SYK: variants seen among roughly 807,000 people sequenced by gnomAD.
The protein encoded by SYK is spleen associated tyrosine kinase.
A neutral mutation model predicts 77.8 loss-of-function variants in SYK; 16 were observed. The ratio of observed to expected loss-of-function variants is 0.21; its 90% CI spans 0.14 to 0.31. The LOEUF (loss-of-function observed/expected upper bound fraction) is 0.31. Among genes scored for constraint, SYK ranks in the 10% least tolerant of loss-of-function variants. SYK has a pLI of 1.00. For missense variants in SYK, 529 were observed against 814.4 expected (o/e 0.65, Z 4.26); for synonymous variants, 312 against 308.7 (o/e 1.01, Z -0.11).
chr9:90,887,914 T>G (rs372443433), intron 12 of SYK, 25 bp downstream of exon 12: 1 of 1,561,002 alleles, frequency 6.4e-7, no homozygotes, highest in Non-Finnish European at 8.7e-7. Context: ...CTTCATTTTC[T>G]CACTGTGGGG....
chr9:90,827,687 C>T (rs982140571), intron 1 of SYK: 12 of 152,224 alleles, frequency 7.9e-5, no homozygotes, highest in African/African-American at 2.7e-4. Context: ...CCTGCATCTG[C>T]GTTTCCTCTC....
At chr9:90,827,850 A>G (rs1043965112) in intron 1 of SYK, among the ~76,000 whole-genome samples, 2 of 152,234 alleles carry the variant, frequency 1.3e-5, no homozygotes, top group African/African-American at 4.8e-5. Flanking sequence ...AGCATTGAGT[A>G]TATTTATGTC....
intron 7 of SYK, among the ~76,000 whole-genome samples, chr9:90,868,388 T>C (rs184985379): frequency 6.6e-6 from 1 of 152,038 alleles, no homozygotes; most frequent in Admixed American, 6.5e-5. Flanking sequence ...CACCTAAAAA[T>C]AAAGAAGTAT....
rs200437396 is a variant in SYK, at chr9:90,897,425, A to G, written c.*1825A>G. 5 of 232,196 alleles carry G rather than the reference A, an allele frequency of 2.2e-5. No individual in the cohort carries two copies. The highest frequency in any genetic ancestry group is 3.4e-5 in the Non-Finnish European group (4 of 117,472). The allele number at this position is 232,196 out of a possible 1,614,324, so 14.4% of individuals were successfully genotyped here. A position where few individuals can be genotyped will look rare whatever the true frequency, so the allele number is the denominator to read the frequency against. On this transcript the variant is annotated 3_prime_UTR_variant, in exon 14 of 14. Transcript: ENST00000375754. ...CAAAATATCTGTCAGCCAGGCCACA[A>G]ACAGGTGTAAAATTATGAAAGGAGT...
intron 1 of SYK, among the ~76,000 whole-genome samples, chr9:90,820,182 T>C (rs1825457774): frequency 6.6e-6 from 1 of 152,194 alleles, no homozygotes; most frequent in African/African-American, 2.4e-5. Context: ...AGGTTGGCAT[T>C]GAGTGTCTGT....
chr9:90,891,484 G>A (rs1828790733), intron 13 of SYK, among the ~76,000 whole-genome samples: 1 of 152,134 alleles, frequency 6.6e-6, no homozygotes, highest in Non-Finnish European at 1.5e-5. Context: ...CCTGGCTCCA[G>A]GGATCCCTTT....
At position 90,819,710 on chromosome 9, in the gene SYK, C is replaced by A. The variant is rs550469107; in HGVS notation, c.-42+17817C>A. Among the ~76,000 whole-genome samples the A allele has an allele frequency of 2.0e-5, 3 of 152,146 alleles. No individual in the cohort carries two copies. The East Asian group carries it at 5.8e-4, about 29-fold the overall frequency. On this transcript the variant is annotated intron_variant, in intron 1 of 13. Transcript: ENST00000375754. The stretch of plus-strand genomic sequence containing the variant: ...ATTCAAGTTGAGATTTGGGTGGGGA[C>A]ACAGCCAAATCATATCACCCACCCC...
At chr9:90,886,358 T>G (rs1828576613) in intron 11 of SYK, among the ~76,000 whole-genome samples, 1 of 152,210 alleles carries the variant, frequency 6.6e-6, no homozygotes, top group Non-Finnish European at 1.5e-5. Context: ...ATACACTGTT[T>G]GTGGGAATGT....
chr9:90,858,281 T>C (rs1430105515), intron 3 of SYK, among the ~76,000 whole-genome samples: 1 of 152,178 alleles, frequency 6.6e-6, no homozygotes, highest in Admixed American at 6.5e-5. Context: ...CCTGGGAAAG[T>C]AGACATGCCG....
intron 6 of SYK, among the ~76,000 whole-genome samples, chr9:90,866,141 T>C (rs901695182): frequency 6.6e-6 from 1 of 152,136 alleles, no homozygotes; most frequent in African/African-American, 2.4e-5. Flanking sequence ...CCTCGTGATC[T>C]GCCCGCCTCG....
intron 11 of SYK, among the ~76,000 whole-genome samples, chr9:90,879,359 G>A (rs1221960243): frequency 6.6e-6 from 1 of 152,210 alleles, no homozygotes; most frequent in Non-Finnish European, 1.5e-5. Context: ...TTACTGCACT[G>A]CATTTCTCAA....
intron 1 of SYK, among the ~76,000 whole-genome samples, chr9:90,815,771 C>T (rs10118039): frequency 3.8e-4 from 58 of 152,370 alleles, no homozygotes; most frequent in African/African-American, 1.3e-3. Flanking sequence ...GGGGAATGTG[C>T]TCGGCTCTGT....
intron 3 of SYK, among the ~76,000 whole-genome samples, chr9:90,847,726 A>G (rs78243337): frequency 6.6e-6 from 1 of 152,356 alleles, no homozygotes; most frequent in East Asian, 1.9e-4. Context: ...AGACTAAGGG[A>G]AACTTTCCCC....
intron 3 of SYK, among the ~76,000 whole-genome samples, chr9:90,855,857 T>C (rs1827020590): frequency 6.6e-6 from 1 of 152,224 alleles, no homozygotes; most frequent in Non-Finnish European, 1.5e-5. Flanking sequence ...CAAATGATGC[T>C]GATGCTGCTG....
At chr9:90,891,097 T>C (rs1278719436) in intron 13 of SYK, among the ~76,000 whole-genome samples, 1 of 151,786 alleles carries the variant, frequency 6.6e-6, no homozygotes, top group Admixed American at 6.5e-5. Context: ...CCTAATCTTT[T>C]ATTATGCAGA....
intron 3 of SYK, 27 bp from the exon 4 acceptor site, chr9:90,862,179 A>T: frequency 6.4e-7 from 1 of 1,559,662 alleles, no homozygotes; most frequent in Non-Finnish European, 8.7e-7. Flanking sequence ...GGGCCTGGGG[A>T]TGATGCAGTT....
chr9:90,835,792 G>T (rs990554403), intron 1 of SYK, among the ~76,000 whole-genome samples: 2 of 152,148 alleles, frequency 1.3e-5, no homozygotes, highest in Admixed American at 6.5e-5. Context: ...GGCCCTGTTA[G>T]CCTCCATCTG....
intron 3 of SYK, among the ~76,000 whole-genome samples, chr9:90,851,181 T>C (rs1020077520): frequency 6.6e-6 from 1 of 152,170 alleles, no homozygotes; most frequent in Non-Finnish European, 1.5e-5. Flanking sequence ...AGCAACCAAA[T>C]CCATCTCCAG....
intron 6 of SYK, 109 bp downstream of exon 6, chr9:90,865,206 T>C: frequency 9.1e-7 from 1 of 1,098,308 alleles, no homozygotes; most frequent in Non-Finnish European, 1.4e-6. Context: ...TGATTGCGCT[T>C]CAAAACATAC....
Sources: gnomAD v4.1 joint callset for allele counts (sites outside exome capture counted in the v4.1 genomes callset) on GRCh38, gnomAD v4.1.1 for gene constraint, MANE v1.5 for transcripts, NCBI Gene and HGNC (gene_info 2026-07-23, HGNC 2026-07-21) for gene names.